SULT1A1: variants seen among roughly 807,000 people sequenced by gnomAD.
The protein encoded by SULT1A1 is sulfotransferase family 1A member 1.
SULT1A1 carries 35 observed loss-of-function variants against 36.8 expected under a neutral mutation model. The observed-to-expected ratio is 0.95, with a 90% CI of 0.73 to 1.26. The LOEUF (loss-of-function observed/expected upper bound fraction) is 1.26. SULT1A1 is among the 50% of genes most tolerant of loss of function. The pLI is 0.00. For missense variants in SULT1A1, 309 were observed against 383.0 expected, an observed-to-expected ratio of 0.81 and a Z score of 1.61; for synonymous variants, 119 against 146.0, an observed-to-expected ratio of 0.82 and a Z score of 1.33.
At chr16:28,611,022 T>C (rs1334121273), upstream of SULT1A1, 1 of 152,364 alleles carries the variant, frequency 6.6e-6, no homozygotes, top group African/African-American at 2.4e-5. Context: ...TCTCATATGC[T>C]AGGGCCATGG....
chr16:28,620,506 G>A (rs1442198157), intron 1 of SULT1A1, among the ~76,000 whole-genome samples: 1 of 146,514 alleles, frequency 6.8e-6, no homozygotes, highest in Non-Finnish European at 1.5e-5. Context: ...GGAGGCTACA[G>A]TGAGCTGTGA....
At chr16:28,623,204 C>G (rs779080813) in exon 1 of SULT1A1, 15 of 1,547,016 alleles carry the variant, frequency 9.7e-6, no homozygotes, top group African/African-American at 1.4e-5. Context: ...GCATGGCGCG[C>G]GGCGCTCGGC....
At chr16:28,623,168 C>T (rs1437120491) in exon 1 of SULT1A1, 1 of 1,550,936 alleles carries the variant, frequency 6.4e-7, no homozygotes, top group East Asian at 2.4e-5. Flanking sequence ...GCGCACCGAC[C>T]ACCTGGTCGC....
At chr16:28,621,506 A>AGG (rs67255034) in intron 1 of SULT1A1, among the ~76,000 whole-genome samples, 2 of 42,460 alleles carry the variant, frequency 4.7e-5, no homozygotes, top group Non-Finnish European at 1.1e-4. Context: ...AAAAAAAAAA[A>AGG]AAGAAGAAGA....
chr16:28,618,591 G>A (rs945583777), intron 2 of SULT1A1, among the ~76,000 whole-genome samples: 2 of 151,828 alleles, frequency 1.3e-5, no homozygotes, highest in African/African-American at 2.4e-5. Context: ...TGATCCACCC[G>A]CCTCCACCTC....
At chr16:28,616,673 T>C (rs1446384281) in intron 2 of SULT1A1, among the ~76,000 whole-genome samples, 1 of 152,122 alleles carries the variant, frequency 6.6e-6, no homozygotes, top group South Asian at 2.1e-4. Flanking sequence ...TCCTCTCGCC[T>C]CACCCTCCCA....
chr16:28,609,772 A>G, intron 1 of SULT1A1, 159 bp downstream of exon 1: 1 of 893,154 alleles, frequency 1.1e-6, no homozygotes, highest in Non-Finnish European at 1.5e-6. Flanking sequence ...AAAACAAACA[A>G]ACAAGGGAAG....
intron 1 of SULT1A1, chr16:28,609,141 G>A (rs1158977996): frequency 1.4e-6 from 2 of 1,411,134 alleles, no homozygotes; most frequent in Non-Finnish European, 1.8e-6. Flanking sequence ...GTCGGGCAAG[G>A]CCCAGATGTC....
chr16:28,615,767 C>A (rs1269622711), intron 2 of SULT1A1, among the ~76,000 whole-genome samples: 1 of 152,220 alleles, frequency 6.6e-6, no homozygotes, highest in East Asian at 1.9e-4. Flanking sequence ...GAGTCACCTC[C>A]AATGATAGGT....
upstream of SULT1A1, chr16:28,614,303 C>T (rs1281211253): frequency 7.6e-6 from 1 of 131,956 alleles, no homozygotes; most frequent in Non-Finnish European, 1.7e-5. Context: ...ACTGTCTCCC[C>T]GTCATGCTCC....
chr16:28,607,534 G>A (rs766507603), intron 4 of SULT1A1: 5 of 160,900 alleles, frequency 3.1e-5, no homozygotes, highest in Admixed American at 1.2e-4. Flanking sequence ...GCTGGGCTGA[G>A]CCAGGGCCTC....
At chr16:28,617,565 C>T (rs774576464) in intron 2 of SULT1A1, among the ~76,000 whole-genome samples, 14 of 150,444 alleles carry the variant, frequency 9.3e-5, no homozygotes, top group African/African-American at 1.7e-4. Context: ...CTTTTTGTGA[C>T]GGAGTCTCCC....
Position 28,607,239 on chromosome 16 carries a change from G to A in SULT1A1, c.373-162C>T, listed in dbSNP as rs1266997425. The A allele has an allele frequency of 1.6e-5, 21 of 1,299,052 alleles. No homozygotes were observed. The South Asian group carries it at 1.6e-4, about 10-fold the overall frequency. The allele number at this position is 1,299,052 out of a possible 1,614,324, so 80.5% of individuals were successfully genotyped here. A position where few individuals can be genotyped will look rare whatever the true frequency, so the allele number is the denominator to read the frequency against. ...CAAGTCAGGAGCTGAACCCTGCTCAGAAGCCAAAGTCCTGCCTGGTCCCTG... is the reference window on the plus strand; with the variant it reads ...CAAGTCAGGAGCTGAACCCTGCTCAAAAGCCAAAGTCCTGCCTGGTCCCTG... On this transcript the variant is annotated intron_variant, in intron 4 of 7. Coordinates refer to ENST00000314752, the MANE Select transcript of SULT1A1 (RefSeq NM_001055.4).
At chr16:28,609,636 T>C in intron 1 of SULT1A1, 1 of 379,394 alleles carries the variant, frequency 2.6e-6, no homozygotes, top group Non-Finnish European at 4.9e-6. Context: ...TGAGGGCCTG[T>C]AGTCCTAGCT....
intron 1 of SULT1A1, among the ~76,000 whole-genome samples, chr16:28,621,191 T>A (rs1053068969): frequency 1.3e-4 from 19 of 150,778 alleles, no homozygotes; most frequent in African/African-American, 4.4e-4. Context: ...ATGAGAGTAA[T>A]AAGAACAATC....
chr16:28,608,826 C>T lies in SULT1A1; in HGVS notation c.30G>A (p.Pro10=), dbSNP rs368999670. Residue 10 remains proline, a synonymous_variant, in exon 2 of 8, where the codon CCG becomes CCA. Coordinates refer to ENST00000314752, the MANE Select transcript of SULT1A1 (RefSeq NM_001055.4). ...GGACCCCCTTCACGTACTCCAGTGG[C>T]GGGCGGGAGGTGTCCTGGATCAGCT... MELIQDTSR[P]PLEYVKGVPL... is the part of the protein sequence containing the mutation. The T allele has an allele frequency of 1.2e-4, 193 of 1,611,644 alleles. No individual in the cohort carries two copies. The highest frequency in any genetic ancestry group is 1.6e-4 in the Non-Finnish European group (183 of 1,179,470).
At chr16:28,608,635 G>C (rs1352983789) in intron 2 of SULT1A1, 32 bp from the exon 3 acceptor site, 1 of 1,611,486 alleles carries the variant, frequency 6.2e-7, no homozygotes. Flanking sequence ...AGGTGAGCAG[G>C]CTGAGGGCAC....
intron 4 of SULT1A1, 112 bp downstream of exon 4, chr16:28,608,179 G>C (rs1172380390): frequency 7.0e-7 from 1 of 1,435,026 alleles, no homozygotes; most frequent in African/African-American, 1.4e-5. Flanking sequence ...TAGAGACAAG[G>C]TTCTTCTATG....
At chr16:28,623,160 G>A in exon 1 of SULT1A1, 2 of 1,546,652 alleles carry the variant, frequency 1.3e-6, no homozygotes, top group Non-Finnish European at 1.7e-6. Context: ...CGCGATGGGC[G>A]CACCGACCAC....
Sources: allele counts gnomAD v4.1 joint callset (sites outside exome capture counted in the v4.1 genomes callset), GRCh38; gene constraint gnomAD v4.1.1; transcripts MANE v1.5; gene names NCBI Gene and HGNC (gene_info 2026-07-23, HGNC 2026-07-21).